The following PRKAR1B variants were observed in gnomAD, a reference collection of about 807,000 sequenced individuals.
PRKAR1B encodes protein kinase cAMP-dependent type I regulatory subunit beta, also known as cAMP-dependent protein kinase type I-beta regulatory subunit.
PRKAR1B carries 22 observed loss-of-function variants against 46.5 expected under a neutral mutation model. That is an observed-to-expected ratio of 0.47 (90% confidence interval 0.34 to 0.68). The LOEUF (loss-of-function observed/expected upper bound fraction) is 0.68. PRKAR1B is among the 30% of genes least tolerant of loss of function. The pLI, the probability that PRKAR1B is intolerant of heterozygous loss-of-function variation, is 0.01. For missense variants in PRKAR1B, 445 were observed against 535.6 expected (o/e 0.83, Z 1.67); for synonymous variants, 259 against 217.7 (o/e 1.19, Z -1.67).
chr7:681,031 C>CT (rs1302578607), intron 2 of PRKAR1B, among the ~76,000 whole-genome samples: 115 of 152,280 alleles, frequency 7.6e-4, no homozygotes, highest in Non-Finnish European at 2.6e-4. Context: ...GTGGAGGCGA[C>CT]TGAATCATGG....
At chr7:611,584 T>C (rs1419537320) in intron 4 of PRKAR1B, among the ~76,000 whole-genome samples, 1 of 152,260 alleles carries the variant, frequency 6.6e-6, no homozygotes, top group African/African-American at 2.4e-5. Flanking sequence ...ACTCCACGGA[T>C]GGCTTCCGCC....
intron 2 of PRKAR1B, 134 bp from the exon 3 acceptor site, chr7:680,860 CG>C (rs1360899861): frequency 4.9e-6 from 5 of 1,023,800 alleles, no homozygotes; most frequent in African/African-American, 1.7e-5. Context: ...GTTGGACATA[CG>C]GTTAGGCTTT....
intron 7 of PRKAR1B, among the ~76,000 whole-genome samples, chr7:591,131 A>C (rs926583903): frequency 7.9e-5 from 12 of 152,280 alleles, no homozygotes; most frequent in African/African-American, 2.7e-4. Flanking sequence ...GCACCCGTCC[A>C]TCTCTCGCGG....
chr7:663,750 C>T (rs1057183833), intron 4 of PRKAR1B, among the ~76,000 whole-genome samples: 1 of 152,114 alleles, frequency 6.6e-6, no homozygotes, highest in Non-Finnish European at 1.5e-5. Context: ...AGTGTTACCA[C>T]GTGCCCTCAG....
intron 2 of PRKAR1B, among the ~76,000 whole-genome samples, chr7:690,965 G>A (rs1413846038): frequency 6.6e-6 from 1 of 152,166 alleles, no homozygotes. Flanking sequence ...TCTTCCCAGC[G>A]GCCCATCGGC....
chr7:604,523 G>A (rs1781879912), intron 6 of PRKAR1B, among the ~76,000 whole-genome samples: 2 of 152,364 alleles, frequency 1.3e-5, no homozygotes, highest in South Asian at 2.1e-4. Context: ...ACACCAGGGA[G>A]AAGAGAAACT....
At chr7:559,123 G>A (rs747585312) in intron 9 of PRKAR1B, among the ~76,000 whole-genome samples, 47 of 152,376 alleles carry the variant, frequency 3.1e-4, no homozygotes, top group Admixed American at 4.6e-4. Flanking sequence ...GACTACGGCC[G>A]TGAACGAGGA....
chr7:692,898 G>A (rs76185541), intron 2 of PRKAR1B, among the ~76,000 whole-genome samples: 4,133 of 152,210 alleles, frequency 0.027, 80 homozygotes, highest in Non-Finnish European at 0.044. Context: ...CAGGCTGGAG[G>A]GGGCTGAGAA....
intron 4 of PRKAR1B, among the ~76,000 whole-genome samples, chr7:621,171 C>A (rs969390351): frequency 6.6e-6 from 1 of 152,190 alleles, no homozygotes; most frequent in African/African-American, 2.4e-5. Flanking sequence ...CTCTTGTTTT[C>A]TATTTTCTGT....
At chr7:592,205 C>T (rs1394896516) in intron 7 of PRKAR1B, among the ~76,000 whole-genome samples, 4 of 152,334 alleles carry the variant, frequency 2.6e-5, no homozygotes, top group African/African-American at 4.8e-5. Context: ...CCCACCGTCC[C>T]GCCCGAGTGA....
chr7:726,185 T>A (rs1199981250), intron 1 of PRKAR1B, among the ~76,000 whole-genome samples: 1 of 152,206 alleles, frequency 6.6e-6, no homozygotes, highest in Admixed American at 6.5e-5. Context: ...GGCGAACCTA[T>A]TGGGCGGCTA....
intron 2 of PRKAR1B, among the ~76,000 whole-genome samples, chr7:687,315 C>G (rs568938369): frequency 2.0e-5 from 3 of 152,192 alleles, no homozygotes; most frequent in African/African-American, 4.8e-5. Context: ...AATAATTATG[C>G]TCAGTATGTT....
At chr7:636,493 T>C (rs1251250763) in intron 4 of PRKAR1B, among the ~76,000 whole-genome samples, 1 of 151,962 alleles carries the variant, frequency 6.6e-6, no homozygotes, top group Non-Finnish European at 1.5e-5. Flanking sequence ...ATGCTGGGGC[T>C]CCTTCACCAG....
chr7:685,261 C>CAT lies in PRKAR1B; in HGVS notation c.178-4537_178-4536dup, dbSNP rs1554303069. On this transcript the variant is annotated intron_variant, in intron 2 of 10. Transcript: ENST00000537384. ...ACACATATAACACGTTTTATATATA[C>CAT]ATATATACGTATATATACGTATATA... Among the ~76,000 whole-genome samples, 33 of 61,418 alleles carry CAT rather than the reference C, an allele frequency of 5.4e-4. 2 individuals carry two copies. The highest frequency in any genetic ancestry group is 2.8e-3 in the East Asian group (6 of 2,176). 40.3% of individuals were successfully genotyped at this position (61,418 alleles called of 152,430 possible).
At chr7:633,614 A>G (rs191805359) in intron 4 of PRKAR1B, among the ~76,000 whole-genome samples, 13 of 152,200 alleles carry the variant, frequency 8.5e-5, no homozygotes, top group Admixed American at 5.9e-4. Flanking sequence ...AAATTTCAAA[A>G]TTAGCTGGGT....
rs1017610363 is a variant in PRKAR1B at position 689,626 on chromosome 7, G to T, written c.178-8900C>A. Among the ~76,000 whole-genome samples the T allele has an allele frequency of 1.3e-5, 2 of 151,934 alleles. 1 individual carries two copies. The highest frequency in any genetic ancestry group is 2.9e-5 in the Non-Finnish European group (2 of 68,004). On this transcript the variant is annotated intron_variant, in intron 2 of 10. Coordinates refer to ENST00000537384, the MANE Select transcript of PRKAR1B (RefSeq NM_001164760.2). ...CAACCATGCAACAAAAGAAAAAGAT[G>T]GGGAGGATAAGGAGGGGAGGGGGAG...
chr7:722,809 A>G (rs929232883), intron 1 of PRKAR1B, among the ~76,000 whole-genome samples: 5 of 152,208 alleles, frequency 3.3e-5, no homozygotes, highest in Admixed American at 6.5e-5. Context: ...CTCCAGATGT[A>G]TCCTGGACAT....
In PRKAR1B at chr7:630,414, G is replaced by A. The variant is rs114939723; in HGVS notation, c.441-22962C>T. Among the ~76,000 whole-genome samples, 964 of 152,340 alleles carry A rather than the reference G, an allele frequency of 6.3e-3. 6 individuals carry two copies. The highest frequency in any genetic ancestry group is 0.022 in the African/African-American group (897 of 41,582). Reference sequence around the variant, plus strand: ...AGGTGGCAGGCAGGCAGCGGGCAGCGGTTGGGGTCCTGGCTGGGGGTGCAA... The same window carrying A: ...AGGTGGCAGGCAGGCAGCGGGCAGCAGTTGGGGTCCTGGCTGGGGGTGCAA... On this transcript the variant is annotated intron_variant, in intron 4 of 10. Coordinates refer to ENST00000537384, the MANE Select transcript of PRKAR1B (RefSeq NM_001164760.2).
At position 561,104 on chromosome 7, in the gene PRKAR1B, GCA is replaced by G. The variant is rs34396319; in HGVS notation, c.892-9636_892-9635del. 6.0e-3 allele frequency among the ~76,000 whole-genome samples: 912 copies of G among 151,032 alleles called. 3 individuals carry two copies. Among genetic ancestry groups the G allele is most frequent in the Middle Eastern group, 0.017 (5 of 294 alleles). On this transcript the variant is annotated intron_variant, in intron 9 of 10. Coordinates refer to ENST00000537384, the MANE Select transcript of PRKAR1B (RefSeq NM_001164760.2). The stretch of plus-strand genomic sequence containing the variant: ...CACACACACTGGTACGTGCATACAT[GCA>G]CACACACCCCACACACAGGCACACA...
Sources: allele counts gnomAD v4.1 joint callset (sites outside exome capture counted in the v4.1 genomes callset), GRCh38; gene constraint gnomAD v4.1.1; transcripts MANE v1.5; gene names NCBI Gene and HGNC (gene_info 2026-07-23, HGNC 2026-07-21).